The following PGM5 variants were observed in gnomAD, a reference collection of about 807,000 sequenced individuals.
PGM5 encodes the protein phosphoglucomutase-like protein 5.
Under a neutral mutation model 59.2 loss-of-function variants are expected in PGM5, and 23 were observed. That is an observed-to-expected ratio of 0.39 (90% CI 0.28 to 0.55). The LOEUF (loss-of-function observed/expected upper bound fraction) is 0.55, where lower values mean the gene tolerates loss of function less well. Ranked by LOEUF, PGM5 falls within the 20% of genes least tolerant of loss-of-function variation. The pLI is 0.66. For synonymous variants in PGM5, 214 were observed against 286.0 expected, an observed-to-expected ratio of 0.75 and a Z score of 2.54; for missense variants, 574 against 748.3, an observed-to-expected ratio of 0.77 and a Z score of 2.72.
intron 7 of PGM5, among the ~76,000 whole-genome samples, chr9:68,475,826 T>G (rs1379129893): frequency 1.3e-5 from 2 of 152,202 alleles, no homozygotes; most frequent in African/African-American, 4.8e-5. Flanking sequence ...CAATTAAGCC[T>G]GGGCAACACA....
At chr9:68,447,849 C>T (rs1183600963) in intron 6 of PGM5, among the ~76,000 whole-genome samples, 3 of 152,200 alleles carry the variant, frequency 2.0e-5, no homozygotes, top group African/African-American at 7.2e-5. Context: ...GGCCACTTAC[C>T]AGTTCATAGC....
chr9:68,363,006 T>A (rs1175624988), intron 1 of PGM5, among the ~76,000 whole-genome samples: 1 of 151,306 alleles, frequency 6.6e-6, no homozygotes, highest in Non-Finnish European at 1.5e-5. Flanking sequence ...GTAGCTGGGG[T>A]TACAGGCATG....
chr9:68,439,755 C>A (rs1197650705), intron 6 of PGM5, among the ~76,000 whole-genome samples: 1 of 150,872 alleles, frequency 6.6e-6, no homozygotes, highest in Non-Finnish European at 1.5e-5. Context: ...ACGTGTATGG[C>A]AGAACAGAGT....
intron 4 of PGM5, among the ~76,000 whole-genome samples, chr9:68,389,161 GT>G (rs1195131558): frequency 6.6e-6 from 1 of 151,424 alleles, no homozygotes; most frequent in Non-Finnish European, 1.5e-5. Context: ...CAAAACTTTT[GT>G]TTGTATTTTC....
At chr9:68,494,486 T>C (rs1824451295) in intron 9 of PGM5, among the ~76,000 whole-genome samples, 1 of 152,194 alleles carries the variant, frequency 6.6e-6, no homozygotes, top group African/African-American at 2.4e-5. Context: ...GTTATTGCAA[T>C]TAGTTACTGC....
intron 6 of PGM5, among the ~76,000 whole-genome samples, chr9:68,423,655 G>GTCTCTCTC (rs111849049): frequency 9.8e-4 from 143 of 145,918 alleles, no homozygotes; most frequent in African/African-American, 3.4e-3. Flanking sequence ...CTCTCTCTCT[G>GTCTCTCTC]TCTCTCTCTC....
intron 1 of PGM5, among the ~76,000 whole-genome samples, chr9:68,370,218 A>G (rs1368783143): frequency 6.6e-6 from 1 of 152,210 alleles, no homozygotes; most frequent in African/African-American, 2.4e-5. Flanking sequence ...GGGGAGTGAT[A>G]GGGATTATAA....
chr9:68,427,703 A>G (rs1823261620), intron 6 of PGM5, among the ~76,000 whole-genome samples: 1 of 152,228 alleles, frequency 6.6e-6, no homozygotes, highest in Admixed American at 6.5e-5. Flanking sequence ...GGGGATGTAG[A>G]AAGTTTTCCT....
chr9:68,434,729 C>G (rs1425702670), intron 6 of PGM5, among the ~76,000 whole-genome samples: 1 of 151,804 alleles, frequency 6.6e-6, no homozygotes, highest in Non-Finnish European at 1.5e-5. Context: ...TCGCTTGAAC[C>G]TGGGAGTCGG....
chr9:68,376,833 CTCT>C lies in PGM5; in HGVS notation c.262-1364_262-1362del, dbSNP rs1563984857. Reference sequence around the variant, plus strand: ...TCTTTCTTTCTTTCTTTCTTTCTTTCTCTTTCTTTCTTTCTTTCTCTTTCTTTC... The same window carrying C: ...TCTTTCTTTCTTTCTTTCTTTCTTTCTTCTTTCTTTCTTTCTCTTTCTTTC... On this transcript the variant is annotated intron_variant, in intron 1 of 10. Transcript: ENST00000396396. Among the ~76,000 whole-genome samples, 104 of 77,960 alleles carry C rather than the reference CTCT, an allele frequency of 1.3e-3. No homozygotes were observed. The Admixed American group carries it at 0.014, about 10-fold the overall frequency. 51.1% of individuals were successfully genotyped at this position (77,960 alleles called of 152,430 possible). A position where few individuals can be genotyped will look rare whatever the true frequency, so the allele number is the denominator to read the frequency against.
chr9:68,493,017 T>C (rs1554687965), intron 9 of PGM5, among the ~76,000 whole-genome samples: 1 of 152,210 alleles, frequency 6.6e-6, no homozygotes, highest in Non-Finnish European at 1.5e-5. Flanking sequence ...CAGGTTCACA[T>C]GCCTGCTGTG....
At chr9:68,446,358 T>C (rs2132066666) in intron 6 of PGM5, among the ~76,000 whole-genome samples, 1 of 152,382 alleles carries the variant, frequency 6.6e-6, no homozygotes, top group South Asian at 2.1e-4. Flanking sequence ...TCTCATTTCA[T>C]ACACCCTCTT....
chr9:68,405,019 C>T (rs1238810827), intron 6 of PGM5: 1 of 152,250 alleles, frequency 6.6e-6, no homozygotes, highest in Non-Finnish European at 1.5e-5. Context: ...GGCTCTGAGC[C>T]TCTGACTTTC....
intron 1 of PGM5, among the ~76,000 whole-genome samples, chr9:68,369,928 T>C (rs572845534): frequency 2.0e-5 from 3 of 152,154 alleles, no homozygotes; most frequent in Non-Finnish European, 2.9e-5. Context: ...AGTTTGTTAT[T>C]TCTTGAAATT....
At chr9:68,373,624 T>G (rs1821796100) in intron 1 of PGM5, among the ~76,000 whole-genome samples, 1 of 152,084 alleles carries the variant, frequency 6.6e-6, no homozygotes. Context: ...CATTTGACAT[T>G]TTTGATTTGG....
intron 10 of PGM5, among the ~76,000 whole-genome samples, chr9:68,506,636 A>G (rs1824659821): frequency 6.6e-6 from 1 of 152,234 alleles, no homozygotes; most frequent in African/African-American, 2.4e-5. Context: ...TATCTTTTCT[A>G]GTTCATAAGG....
At chr9:68,406,158 G>A (rs1822804857) in intron 6 of PGM5, 1 of 152,174 alleles carries the variant, frequency 6.6e-6, no homozygotes, top group East Asian at 1.9e-4. Context: ...ACTACCTGGG[G>A]TTGAATTCTA....
intron 1 of PGM5, among the ~76,000 whole-genome samples, chr9:68,376,868 CT>C (rs1587776931): frequency 8.9e-6 from 1 of 112,600 alleles, no homozygotes; most frequent in African/African-American, 3.4e-5. Context: ...TTTCTTTTTT[CT>C]TTCTCTTTCT....
chr9:68,497,500 GC>G (rs1430188443), intron 9 of PGM5: 1 of 152,136 alleles, frequency 6.6e-6, no homozygotes, highest in Non-Finnish European at 1.5e-5. Flanking sequence ...AAACAAAAAA[GC>G]CTACACAACT....
Sources: allele counts gnomAD v4.1 joint callset (sites outside exome capture counted in the v4.1 genomes callset), GRCh38; gene constraint gnomAD v4.1.1; transcripts MANE v1.5; gene names NCBI Gene and HGNC (gene_info 2026-07-23, HGNC 2026-07-21).